CHST9: variants seen among roughly 807,000 people sequenced by gnomAD.
CHST9 encodes the protein GalNAc-4-sulfotransferase 2.
In CHST9, 41 loss-of-function variants were observed where a neutral mutation model predicts 44.4. That is an observed-to-expected ratio of 0.92 (90% CI 0.72 to 1.20). The LOEUF (loss-of-function observed/expected upper bound fraction) is 1.20, where lower values mean the gene tolerates loss of function less well. Among genes scored for constraint, CHST9 ranks in the 50% most tolerant of loss-of-function variants. CHST9 has a pLI of 0.00. For missense variants in CHST9, 504 were observed against 516.5 expected, an observed-to-expected ratio of 0.98 and a Z score of 0.23; for synonymous variants, 171 against 178.4, an observed-to-expected ratio of 0.96 and a Z score of 0.33.
At chr18:27,158,088 CA>C (rs1391182033) in intron 1 of CHST9, among the ~76,000 whole-genome samples, 19 of 151,868 alleles carry the variant, frequency 1.3e-4, no homozygotes, top group Admixed American at 2.0e-4. Context: ...AGAGACATCA[CA>C]AAGTTTTTTT....
At chr18:27,106,415 T>G (rs995955837) in intron 2 of CHST9, among the ~76,000 whole-genome samples, 3 of 152,178 alleles carry the variant, frequency 2.0e-5, no homozygotes, top group African/African-American at 7.2e-5. Context: ...ATTATTGGAG[T>G]TGGATAAATT....
chr18:27,114,264 A>G (rs1960785105), intron 2 of CHST9, among the ~76,000 whole-genome samples: 1 of 152,252 alleles, frequency 6.6e-6, no homozygotes, highest in Admixed American at 6.5e-5. Context: ...ACATCTAAGT[A>G]TATAGTCTTC....
At chr18:27,179,132 T>C (rs1239757498) in intron 1 of CHST9, among the ~76,000 whole-genome samples, 1 of 151,750 alleles carries the variant, frequency 6.6e-6, no homozygotes, top group Non-Finnish European at 1.5e-5. Flanking sequence ...AAACTTTCAG[T>C]GCTTTATGGA....
At chr18:27,070,580 C>T (rs2057827571) in intron 2 of CHST9, among the ~76,000 whole-genome samples, 1 of 152,176 alleles carries the variant, frequency 6.6e-6, no homozygotes, top group South Asian at 2.1e-4. Flanking sequence ...TGATTTCACT[C>T]TTGCATTTAT....
At chr18:26,917,928 A>C (rs190589719) in intron 5 of CHST9, among the ~76,000 whole-genome samples, 2 of 152,148 alleles carry the variant, frequency 1.3e-5, no homozygotes, top group Admixed American at 1.3e-4. Context: ...TATCACAATA[A>C]TTTAAGAATT....
chr18:27,162,965 G>C (rs1159047913), intron 1 of CHST9, among the ~76,000 whole-genome samples: 1 of 152,114 alleles, frequency 6.6e-6, no homozygotes, highest in East Asian at 1.9e-4. Flanking sequence ...GGTCTTTGAT[G>C]ATGGTGACGT....
intron 2 of CHST9, among the ~76,000 whole-genome samples, chr18:27,071,911 G>C (rs950283218): frequency 1.3e-5 from 2 of 151,998 alleles, no homozygotes; most frequent in African/African-American, 4.8e-5. Context: ...CCTTTTTCCT[G>C]CTGGTATATA....
chr18:27,161,186 C>A (rs2058744132), intron 1 of CHST9, among the ~76,000 whole-genome samples: 1 of 152,068 alleles, frequency 6.6e-6, no homozygotes. Context: ...TTCTCTAGTT[C>A]TTTTAATTGT....
At chr18:27,178,450 T>C (rs982114391) in intron 1 of CHST9, among the ~76,000 whole-genome samples, 3 of 152,018 alleles carry the variant, frequency 2.0e-5, no homozygotes, top group African/African-American at 4.8e-5. Flanking sequence ...AAATTCAAGA[T>C]GGTGTAGCTA....
intron 4 of CHST9, among the ~76,000 whole-genome samples, chr18:26,997,367 A>C (rs1463693089): frequency 6.6e-6 from 1 of 152,256 alleles, no homozygotes; most frequent in Non-Finnish European, 1.5e-5. Context: ...CATTATAAAC[A>C]CAATTAGTAT....
At position 27,159,941 on chromosome 18, in the gene CHST9, A is replaced by G. The variant is rs1395572383; in HGVS notation, c.-96-17036T>C. 3.9e-5 allele frequency among the ~76,000 whole-genome samples: 6 copies of G among 152,096 alleles called. No homozygotes were observed. The East Asian group carries it at 1.2e-3, about 29-fold the overall frequency. ...TTATTGGTGTATAAGAATGCTTGTG[A>G]TTTTTGCACATTGATTTTGTATCCT... On this transcript the variant is annotated intron_variant, in intron 1 of 5. Transcript: ENST00000618847.
chr18:27,035,834 T>C lies in CHST9; in HGVS notation c.161-11677A>G, dbSNP rs1300170810. On this transcript the variant is annotated intron_variant, in intron 3 of 5. Coordinates refer to ENST00000618847, the MANE Select transcript of CHST9 (RefSeq NM_031422.6). ...GGTGACTATAGTTAACCACACTGTATTGTAAAATTTAAAATTTGCTGAGGG... is the reference window on the plus strand; with the variant it reads ...GGTGACTATAGTTAACCACACTGTACTGTAAAATTTAAAATTTGCTGAGGG... 2.4e-4 allele frequency among the ~76,000 whole-genome samples: 36 copies of C among 152,134 alleles called. 1 individual carries two copies.
intron 3 of CHST9, among the ~76,000 whole-genome samples, chr18:27,028,032 C>T (rs530335496): frequency 2.0e-3 from 300 of 152,308 alleles, no homozygotes; most frequent in African/African-American, 6.9e-3. Flanking sequence ...TCTCCTGCCT[C>T]AGCCTCCTGA....
chr18:27,010,770 T>C (rs1207781857), intron 4 of CHST9, among the ~76,000 whole-genome samples: 1 of 152,170 alleles, frequency 6.6e-6, no homozygotes, highest in Non-Finnish European at 1.5e-5. Flanking sequence ...GGAAGCCCCA[T>C]CTTGATATCT....
At chr18:27,183,860 A>G (rs1244576424) in intron 1 of CHST9, among the ~76,000 whole-genome samples, 1 of 152,154 alleles carries the variant, frequency 6.6e-6, no homozygotes, top group Non-Finnish European at 1.5e-5. Context: ...TGGCAGGCAT[A>G]TGGTGTTATG....
intron 3 of CHST9, among the ~76,000 whole-genome samples, chr18:27,039,963 A>G (rs1425542359): frequency 6.6e-6 from 1 of 152,154 alleles, no homozygotes; most frequent in Non-Finnish European, 1.5e-5. Context: ...GATATCAGTG[A>G]AACAGAGAAC....
At chr18:27,089,217 A>G (rs1378428223) in intron 2 of CHST9, among the ~76,000 whole-genome samples, 1 of 151,774 alleles carries the variant, frequency 6.6e-6, no homozygotes, top group East Asian at 1.9e-4. Context: ...GGTATGTGCC[A>G]TGTTGGTTTG....
intron 2 of CHST9, among the ~76,000 whole-genome samples, chr18:27,118,981 G>T (rs1290738954): frequency 6.6e-6 from 1 of 152,044 alleles, no homozygotes; most frequent in African/African-American, 2.4e-5. Flanking sequence ...ATTTATGTTG[G>T]CACGTATTCA....
intron 3 of CHST9, among the ~76,000 whole-genome samples, chr18:27,039,411 C>T (rs924832524): frequency 1.3e-5 from 2 of 152,198 alleles, no homozygotes; most frequent in Non-Finnish European, 2.9e-5. Flanking sequence ...CACAAAACCA[C>T]AAATATTGTA....
Sources: gnomAD v4.1 joint callset for allele counts (sites outside exome capture counted in the v4.1 genomes callset) on GRCh38, gnomAD v4.1.1 for gene constraint, MANE v1.5 for transcripts, NCBI Gene and HGNC (gene_info 2026-07-23, HGNC 2026-07-21) for gene names.